P4HA2: variants seen among roughly 807,000 people sequenced by gnomAD.
The protein encoded by P4HA2 is prolyl 4-hydroxylase subunit alpha-2.
Under a neutral mutation model 76.9 loss-of-function variants are expected in P4HA2, and 46 were observed. The ratio of observed to expected loss-of-function variants is 0.60; its 90% confidence interval spans 0.47 to 0.76. The LOEUF (loss-of-function observed/expected upper bound fraction) is 0.76. P4HA2 is among the 30% of genes least tolerant of loss of function. P4HA2 has a pLI of 0.00. For missense variants in P4HA2, 583 were observed against 669.4 expected (o/e 0.87, Z 1.42); for synonymous variants, 243 against 254.0 (o/e 0.96, Z 0.41).
chr5:132,192,682 A>T lies in P4HA2; in HGVS notation c.*328T>A, dbSNP rs1012135391. 1 of 246,602 alleles carries T rather than the reference A, an allele frequency of 4.1e-6. No homozygotes were observed. Among genetic ancestry groups the T allele is most frequent in the Non-Finnish European group, 7.8e-6 (1 of 128,548 alleles). 15.3% of individuals were successfully genotyped at this position (246,602 alleles called of 1,614,324 possible). On this transcript the variant is annotated 3_prime_UTR_variant, in exon 15 of 15. Coordinates refer to ENST00000360568, the MANE Select transcript of P4HA2 (RefSeq NM_001017974.2). ...AGATAGAAATGCCATAAAAACAAAC[A>T]TGTAAACAAGGTATCAGAACTTTGG...
At chr5:132,220,914 C>T (rs574132442) in intron 1 of P4HA2, among the ~76,000 whole-genome samples, 1 of 152,336 alleles carries the variant, frequency 6.6e-6, no homozygotes, top group Non-Finnish European at 1.5e-5. Flanking sequence ...GCCTGGAGAG[C>T]TGGGCACCTC....
intron 5 of P4HA2, among the ~76,000 whole-genome samples, chr5:132,212,941 C>G (rs964592903): frequency 1.8e-4 from 27 of 152,264 alleles, no homozygotes; most frequent in African/African-American, 5.5e-4. Flanking sequence ...AAGGGGGCAG[C>G]TGAGGTTCTG....
At chr5:132,215,134 GCCTT>G (rs1364326852) in intron 4 of P4HA2, among the ~76,000 whole-genome samples, 1 of 152,176 alleles carries the variant, frequency 6.6e-6, no homozygotes, top group Non-Finnish European at 1.5e-5. Context: ...CTGTAACCCT[GCCTT>G]CCTTGTCTTC....
At chr5:132,193,196 A>G in intron 14 of P4HA2, 116 bp from the exon 15 acceptor site, 1 of 719,152 alleles carries the variant, frequency 1.4e-6, no homozygotes, top group East Asian at 2.5e-5. Flanking sequence ...CAAATAAGAC[A>G]AGACATGATC....
intron 1 of P4HA2, among the ~76,000 whole-genome samples, chr5:132,225,049 G>GAA (rs371037185): frequency 0.11 from 13,281 of 116,478 alleles, 826 homozygotes; most frequent in Non-Finnish European, 0.14. Context: ...CTGCTCTGAG[G>GAA]AAAAAAAAAA....
chr5:132,193,945 C>T (rs548224669), intron 14 of P4HA2, among the ~76,000 whole-genome samples: 1 of 152,288 alleles, frequency 6.6e-6, no homozygotes, highest in South Asian at 2.1e-4. Flanking sequence ...TAGCACTCCT[C>T]CTAAGCCTCT....
chr5:132,214,163 G>T, intron 4 of P4HA2, 110 bp from the exon 5 acceptor site: 1 of 1,067,992 alleles, frequency 9.4e-7, no homozygotes, highest in Non-Finnish European at 1.3e-6. Context: ...AAATTTCCCC[G>T]CCCCCTCCCT....
chr5:132,199,020 C>A, intron 10 of P4HA2, 88 bp from the exon 11 acceptor site: 1 of 906,886 alleles, frequency 1.1e-6, no homozygotes, highest in Admixed American at 1.8e-5. Context: ...CTTCCCAGGC[C>A]TGAAAACAAC....
At chr5:132,222,499 C>G (rs1754781835) in intron 1 of P4HA2, among the ~76,000 whole-genome samples, 1 of 152,306 alleles carries the variant, frequency 6.6e-6, no homozygotes, top group East Asian at 1.9e-4. Flanking sequence ...TCTGGCCTTC[C>G]TCCCACCTCT....
intron 12 of P4HA2, among the ~76,000 whole-genome samples, chr5:132,197,608 C>CAAAAAA (rs555319735): frequency 2.1e-3 from 115 of 54,658 alleles, no homozygotes; most frequent in Non-Finnish European, 2.4e-3. Flanking sequence ...ACTCCATCTC[C>CAAAAAA]AAAAAAAAAA....
At chr5:132,213,865 G>A (rs768277738) in intron 5 of P4HA2, 51 bp downstream of exon 5, 10 of 1,590,638 alleles carry the variant, frequency 6.3e-6, no homozygotes, top group Admixed American at 5.1e-5. Flanking sequence ...AACCTGTCCC[G>A]CCACTAAAGA....
intron 11 of P4HA2, 64 bp from the exon 12 acceptor site, chr5:132,198,444 G>A (rs1751012856): frequency 7.0e-7 from 1 of 1,433,428 alleles, no homozygotes; most frequent in Non-Finnish European, 9.8e-7. Flanking sequence ...CACAAGACTA[G>A]GACCAAAAGG....
At chr5:132,223,929 A>G (rs889515161) in intron 1 of P4HA2, among the ~76,000 whole-genome samples, 2 of 152,368 alleles carry the variant, frequency 1.3e-5, no homozygotes, top group South Asian at 4.1e-4. Flanking sequence ...CTTAAAGTGC[A>G]ATGGACTCCC....
intron 8 of P4HA2, among the ~76,000 whole-genome samples, chr5:132,206,176 C>A (rs924035531): frequency 1.4e-4 from 22 of 152,214 alleles, no homozygotes; most frequent in African/African-American, 5.1e-4. Context: ...CATATGCACA[C>A]ATGCACAGAG....
intron 11 of P4HA2, 150 bp downstream of exon 11, chr5:132,198,729 T>C (rs1487288553): frequency 4.6e-6 from 3 of 653,376 alleles, no homozygotes; most frequent in Non-Finnish European, 5.5e-6. Context: ...GATTCACCAG[T>C]AACGAAGAGT....
In P4HA2 at chr5:132,196,481, C is replaced by G. The variant is rs113785638; in HGVS notation, c.1366-1001G>C. On this transcript the variant is annotated intron_variant, in intron 12 of 14. Coordinates refer to ENST00000360568, the MANE Select transcript of P4HA2 (RefSeq NM_001017974.2). The stretch of plus-strand genomic sequence containing the variant: ...TTTCCACTCAACTTTTAAGTCTCAA[C>G]TGATATGTTACTTCCAAAGAGAGGC... Among the ~76,000 whole-genome samples the G allele has an allele frequency of 2.7e-3, 415 of 152,348 alleles. 3 individuals carry two copies. The highest frequency in any genetic ancestry group is 9.2e-3 in the African/African-American group (382 of 41,580).
At chr5:132,204,931 T>G (rs558169248) in intron 8 of P4HA2, among the ~76,000 whole-genome samples, 13 of 152,244 alleles carry the variant, frequency 8.5e-5, no homozygotes, top group Non-Finnish European at 1.8e-4. Flanking sequence ...CCAGCCAACA[T>G]GGCAAAGGTC....
chr5:132,203,612 G>A, intron 10 of P4HA2, 136 bp downstream of exon 10: 1 of 633,146 alleles, frequency 1.6e-6, no homozygotes, highest in Non-Finnish European at 2.9e-6. Flanking sequence ...TTCCTAAAAT[G>A]AGATCACTCC....
intron 14 of P4HA2, among the ~76,000 whole-genome samples, chr5:132,194,170 G>A (rs1236637209): frequency 6.6e-6 from 1 of 151,938 alleles, no homozygotes; most frequent in Non-Finnish European, 1.5e-5. Context: ...GTAATACTCA[G>A]TGTGTACATA....
Sources: gnomAD v4.1 joint callset for allele counts (sites outside exome capture counted in the v4.1 genomes callset) on GRCh38, gnomAD v4.1.1 for gene constraint, MANE v1.5 for transcripts, NCBI Gene and HGNC (gene_info 2026-07-23, HGNC 2026-07-21) for gene names.